Variants in CARD14 observed in about 807,000 individuals in gnomAD.
CARD14 encodes caspase recruitment domain-containing protein 14.
A neutral mutation model predicts 111.5 loss-of-function variants in CARD14; 107 were observed. That is an observed-to-expected ratio of 0.96 (90% CI 0.82 to 1.13). The LOEUF (loss-of-function observed/expected upper bound fraction) is 1.13. CARD14 is among the 50% of genes most tolerant of loss of function. The probability of loss-of-function intolerance (pLI) is 0.00; values close to 1 mark genes in which losing one functional copy is unlikely to be tolerated. For missense variants in CARD14, 1,322 were observed against 1,362.3 expected (o/e 0.97, Z 0.47); for synonymous variants, 617 against 579.6 (o/e 1.06, Z -0.93).
At chr17:80,192,133 T>G in intron 11 of CARD14, 1 of 165,544 alleles carries the variant, frequency 6.0e-6, no homozygotes, top group Non-Finnish European at 1.3e-5. Context: ...GCTGTGCTCA[T>G]TCTGGGTGTG....
chr17:80,179,701 G>A (rs998347186), intron 4 of CARD14, among the ~76,000 whole-genome samples: 12 of 152,126 alleles, frequency 7.9e-5, no homozygotes, highest in African/African-American at 2.2e-4. Flanking sequence ...GCATGGTGGC[G>A]CATGCCTGCG....
chr17:80,182,655 C>T lies in CARD14; in HGVS notation c.214C>T (p.His72Tyr), dbSNP rs1225162005. ...GACAGACGGTTCTGCCTCCCAAGGG[C>T]ACTTGCTGGATTTGCTGAAGACTCG... ...RLTNSAMRAGHLLDLLKTRGK... is the reference protein window; with the variant it reads ...RLTNSAMRAGYLLDLLKTRGK... Residue 72 changes from histidine to tyrosine, a missense_variant and splice_region_variant, in exon 6 of 24, where the codon CAC (histidine) becomes TAC (tyrosine). His to Tyr is a moderately conservative substitution (Grantham distance 83). Transcript: ENST00000648509. This position sits in a 1 kb window ranked among gnomAD's most constrained non-coding sequence, Gnocchi z 4.7. 5.6e-6 allele frequency: 9 copies of T among 1,613,946 alleles called. No individual in the cohort carries two copies. In the Admixed American group the frequency reaches 8.3e-5, roughly 15 times the overall value.
At chr17:80,202,028 C>A in intron 17 of CARD14, 152 bp from the exon 18 acceptor site, 1 of 1,223,902 alleles carries the variant, frequency 8.2e-7, no homozygotes, top group Non-Finnish European at 1.1e-6. Context: ...GCCCCCAAGC[C>A]AGCTGGAAAC....
At position 80,203,368 on chromosome 17, in the gene CARD14, G is replaced by A. The variant is rs1260500761; in HGVS notation, c.2220-454G>A. ...GAACGCACAGTGCTAGAAAGCAGGA[G>A]TGTTGAGCTCAGCACCCCCATCACT... On this transcript the variant is annotated intron_variant, in intron 18 of 23. Transcript: ENST00000648509. This position sits in a 1 kb window ranked among gnomAD's most constrained non-coding sequence, Gnocchi z 4.6. The A allele has an allele frequency of 6.1e-6, 1 of 163,922 alleles. No individual in the cohort carries two copies. Among genetic ancestry groups the A allele is most frequent in the Non-Finnish European group, 1.3e-5 (1 of 76,182 alleles). 10.2% of individuals were successfully genotyped at this position (163,922 alleles called of 1,614,324 possible). A position where few individuals can be genotyped will look rare whatever the true frequency, so the allele number is the denominator to read the frequency against.
At position 80,201,664 on chromosome 17, in the gene CARD14, AGTGCCCTC is replaced by A; in HGVS notation, c.1852-79_1852-72del. ...GCAGGGCTGGCCCGCGCCTCGCCTC[AGTGCCCTC>A]AGCGCCTTCTGTCTTCTGGCTGGAT... On this transcript the variant is annotated intron_variant, in intron 16 of 23. Coordinates refer to ENST00000648509, the MANE Select transcript of CARD14 (RefSeq NM_001366385.1). This position sits in a 1 kb window ranked among gnomAD's most constrained non-coding sequence, Gnocchi z 5.0. 6.6e-7 allele frequency: 1 copy of A among 1,515,272 alleles called. No individual in the cohort carries two copies. The highest frequency in any genetic ancestry group is 1.7e-5 in the Admixed American group (1 of 59,774). 93.9% of individuals were successfully genotyped at this position (1,515,272 alleles called of 1,614,324 possible). A position where few individuals can be genotyped will look rare whatever the true frequency, so the allele number is the denominator to read the frequency against.
intron 7 of CARD14, among the ~76,000 whole-genome samples, chr17:80,187,402 T>G (rs1040180888): frequency 3.9e-5 from 6 of 152,278 alleles, no homozygotes; most frequent in African/African-American, 1.4e-4. Flanking sequence ...CTTGTCTGTC[T>G]GTCTCTCTCT....
intron 1 of CARD14, among the ~76,000 whole-genome samples, chr17:80,170,865 A>T (rs1169297454): frequency 1.5e-5 from 2 of 132,242 alleles, no homozygotes; most frequent in African/African-American, 5.7e-5. Context: ...CTTTTTCAGA[A>T]GTCTCCCTCT....
At chr17:80,199,746 GGT>G (rs2040875015) in intron 16 of CARD14, among the ~76,000 whole-genome samples, 1 of 149,652 alleles carries the variant, frequency 6.7e-6, no homozygotes, top group Non-Finnish European at 1.5e-5. Context: ...AAAAATAGCT[GGT>G]ATCTATAATC....
Position 80,180,284 on chromosome 17 carries a change from G to C in CARD14, c.-21+983G>C, listed in dbSNP as rs552945312. Among the ~76,000 whole-genome samples the C allele has an allele frequency of 2.0e-5, 3 of 152,346 alleles. No homozygotes were observed. In the South Asian group the frequency reaches 6.2e-4, roughly 32 times the overall value. On this transcript the variant is annotated intron_variant, in intron 4 of 23. Coordinates refer to ENST00000648509, the MANE Select transcript of CARD14 (RefSeq NM_001366385.1). ...CTGCTTCGTGTATTCTGTCCAGACA[G>C]ACCTGGGCTTGGGACATCAGCCCTG...
At chr17:80,179,882 G>A (rs1366423167) in intron 4 of CARD14, among the ~76,000 whole-genome samples, 1 of 152,142 alleles carries the variant, frequency 6.6e-6, no homozygotes, top group Admixed American at 6.5e-5. Context: ...GAGAGGGAGG[G>A]AAGAGGGACT....
chr17:80,173,249 C>A, intron 2 of CARD14, 21 bp downstream of exon 2: 1 of 153,552 alleles, frequency 6.5e-6, no homozygotes. Context: ...TTCCAGAATC[C>A]CTCTGCTCTC....
chr17:80,200,204 C>T (rs986772042), intron 16 of CARD14, among the ~76,000 whole-genome samples: 1 of 151,376 alleles, frequency 6.6e-6, no homozygotes, highest in Non-Finnish European at 1.5e-5. Flanking sequence ...CTCCACATGA[C>T]CCGGGAAGCC....
intron 18 of CARD14, 189 bp downstream of exon 18, chr17:80,202,609 C>T: frequency 1.4e-6 from 2 of 1,426,256 alleles, no homozygotes; most frequent in Non-Finnish European, 1.8e-6. Context: ...TTATATATTG[C>T]AAATGAAATG....
At chr17:80,173,285 C>T (rs2039946597) in intron 2 of CARD14, 57 bp downstream of exon 2, 1 of 147,742 alleles carries the variant, frequency 6.8e-6, no homozygotes, top group Admixed American at 7.1e-5. Context: ...CTCCCCCTCT[C>T]TTTCTCTCTC....
At chr17:80,173,324 ACGCGCGCGCGCGCG>A (rs72343313) in intron 2 of CARD14, 96 bp downstream of exon 2, 1 of 112,122 alleles carries the variant, frequency 8.9e-6, no homozygotes, top group East Asian at 2.4e-4. Context: ...ACACACACAC[ACGCGCGCGCGCGCG>A]CGCGGAATGA....
In CARD14 at chr17:80,184,162, G is replaced by C; in HGVS notation, c.599G>C (p.Ser200Thr). The C allele has an allele frequency of 6.4e-7, 1 of 1,563,976 alleles. No individual in the cohort carries two copies. The highest frequency in any genetic ancestry group is 1.2e-5 in the South Asian group (1 of 84,806). The change falls in exon 7 of 24, where the codon AGC (serine) becomes ACC (threonine). Residue 200 changes from serine (S) to threonine (T), a missense_variant. By Grantham distance (58) the Ser-to-Thr change is moderately conservative. Transcript: ENST00000648509. ...EVLRLKDEMLSLSLHYSNALQ... is the reference protein window; with the variant it reads ...EVLRLKDEMLTLSLHYSNALQ... ...CTGAGGCTGAAGGACGAGATGCTCAGCCTCTCGCTGCACTATAGCAATGCG... is the reference window on the plus strand; with the variant it reads ...CTGAGGCTGAAGGACGAGATGCTCACCCTCTCGCTGCACTATAGCAATGCG...
At chr17:80,180,701 C>T (rs2040143334) in intron 4 of CARD14, among the ~76,000 whole-genome samples, 1 of 151,724 alleles carries the variant, frequency 6.6e-6, no homozygotes, top group South Asian at 2.1e-4. Flanking sequence ...TCATAAAGAA[C>T]TTATAAAGCA....
intron 7 of CARD14, among the ~76,000 whole-genome samples, chr17:80,186,296 C>T (rs1219853162): frequency 8.5e-5 from 13 of 152,184 alleles, no homozygotes; most frequent in South Asian, 2.1e-4. Context: ...CTGTTCTTGG[C>T]GCAGTTCATG....
chr17:80,190,916 G>C lies in CARD14; in HGVS notation c.1089+17G>C, dbSNP rs781409111. On this transcript the variant is annotated intron_variant, in intron 10 of 23. Transcript: ENST00000648509. ...CGAGACCAGGTACCTGAGAGGCCGGGCCCACCCCGCCACCCCATGCTTGCT... is the reference window on the plus strand; with the variant it reads ...CGAGACCAGGTACCTGAGAGGCCGGCCCCACCCCGCCACCCCATGCTTGCT... 8.1e-6 allele frequency: 13 copies of C among 1,610,434 alleles called. No homozygotes were observed. The highest frequency in any genetic ancestry group is 1.3e-5 in the African/African-American group (1 of 74,824).
Sources: allele counts gnomAD v4.1 joint callset (sites outside exome capture counted in the v4.1 genomes callset), GRCh38; gene constraint gnomAD v4.1.1; non-coding constraint Gnocchi (gnomAD v3.1); transcripts MANE v1.5; gene names NCBI Gene and HGNC (gene_info 2026-07-23, HGNC 2026-07-21).